The following GRID2 variants were observed in gnomAD, a reference collection of about 807,000 sequenced individuals.
GRID2 encodes glutamate ionotropic receptor delta type subunit 2.
A neutral mutation model predicts 114.8 loss-of-function variants in GRID2; 33 were observed. The ratio of observed to expected loss-of-function variants is 0.29; its 90% CI spans 0.22 to 0.38. The LOEUF (loss-of-function observed/expected upper bound fraction) is 0.38, where lower values mean the gene tolerates loss of function less well. Ranked by LOEUF, GRID2 falls within the 10% of genes least tolerant of loss-of-function variation. The pLI is 1.00. For synonymous variants in GRID2, 505 were observed against 449.9 expected, an observed-to-expected ratio of 1.12 and a Z score of -1.55; for missense variants, 1,184 against 1,257.7, an observed-to-expected ratio of 0.94 and a Z score of 0.89.
chr4:93,171,615 T>G (rs747637194), intron 4 of GRID2, among the ~76,000 whole-genome samples: 5 of 152,222 alleles, frequency 3.3e-5, no homozygotes, highest in Non-Finnish European at 7.3e-5. Context: ...TTAAATAACT[T>G]GTCCACGTAG....
At chr4:92,371,096 G>A (rs1729095801) in intron 1 of GRID2, among the ~76,000 whole-genome samples, 1 of 152,128 alleles carries the variant, frequency 6.6e-6, no homozygotes, top group Non-Finnish European at 1.5e-5. Context: ...GTCTGAGAGA[G>A]ATAAGGAAGC....
intron 13 of GRID2, among the ~76,000 whole-genome samples, chr4:93,572,869 C>T (rs1318190380): frequency 6.6e-6 from 1 of 152,090 alleles, no homozygotes; most frequent in East Asian, 1.9e-4. Flanking sequence ...TACTAAATTG[C>T]AGCCTCTCAC....
At chr4:92,485,439 C>T (rs1238416876) in intron 1 of GRID2, among the ~76,000 whole-genome samples, 1 of 149,388 alleles carries the variant, frequency 6.7e-6, no homozygotes, top group Non-Finnish European at 1.5e-5. Flanking sequence ...GTGACTCACA[C>T]CTGTAATCCC....
chr4:92,991,326 A>C (rs1417028908), intron 2 of GRID2, among the ~76,000 whole-genome samples: 1 of 152,174 alleles, frequency 6.6e-6, no homozygotes, highest in Non-Finnish European at 1.5e-5. Context: ...AAAGTAGGCC[A>C]AAAAAATTAC....
chr4:93,146,785 T>TG (rs1736306312), intron 4 of GRID2, among the ~76,000 whole-genome samples: 1 of 152,220 alleles, frequency 6.6e-6, no homozygotes, highest in African/African-American at 2.4e-5. Flanking sequence ...TCAGCTACTA[T>TG]GCTTTTCATT....
Position 93,455,764 on chromosome 4 carries a change from C to G in GRID2, c.1648C>G (p.Arg550Gly). Reference sequence around the variant, plus strand: ...GGACTACTCAGTGGGGGTACTACTTCGAAGGGCTGAAAAGACAGTGGATAT... The same window carrying G: ...GGACTACTCAGTGGGGGTACTACTTGGAAGGGCTGAAAAGACAGTGGATAT... ...YMDYSVGVLL[R>G]RAEKTVDMFA... The change falls in exon 11 of 16, where the codon CGA becomes GGA. Residue 550 changes from arginine to glycine, a missense_variant. Around this residue, in one of 3 missense-constraint regions of GRID2, gnomAD observed 717 missense variants for 796.9 expected, o/e 0.90. Coordinates refer to ENST00000282020, the MANE Select transcript of GRID2 (RefSeq NM_001510.4). 1 of 1,612,424 alleles carries G rather than the reference C, an allele frequency of 6.2e-7. No homozygotes were observed. Among genetic ancestry groups the G allele is most frequent in the Non-Finnish European group, 8.5e-7 (1 of 1,178,562 alleles).
At chr4:92,474,088 A>C (rs142914660) in intron 1 of GRID2, among the ~76,000 whole-genome samples, 2 of 151,832 alleles carry the variant, frequency 1.3e-5, no homozygotes, top group Non-Finnish European at 2.9e-5. Flanking sequence ...AATTAACTGT[A>C]GTCAACATGT....
intron 4 of GRID2, among the ~76,000 whole-genome samples, chr4:93,113,566 GC>G (rs1366851772): frequency 6.6e-6 from 1 of 152,146 alleles, no homozygotes; most frequent in African/African-American, 2.4e-5. Flanking sequence ...ACTATGCTAG[GC>G]ACTAGCGATA....
At chr4:93,107,951 C>T (rs1469143189) in intron 3 of GRID2, among the ~76,000 whole-genome samples, 1 of 150,778 alleles carries the variant, frequency 6.6e-6, no homozygotes, top group Admixed American at 6.6e-5. Context: ...CTTCCTGTGT[C>T]TCACAGAGAT....
chr4:93,675,989 A>G (rs539507537), intron 14 of GRID2, among the ~76,000 whole-genome samples: 12 of 152,340 alleles, frequency 7.9e-5, no homozygotes, highest in Non-Finnish European at 1.5e-5. Flanking sequence ...AGCCTTAGAC[A>G]GGACAGTATT....
intron 13 of GRID2, among the ~76,000 whole-genome samples, chr4:93,614,546 T>G (rs1041349355): frequency 6.6e-6 from 1 of 152,078 alleles, no homozygotes; most frequent in Admixed American, 6.5e-5. Flanking sequence ...TAGTCATTTA[T>G]TTAAAATTAT....
chr4:92,889,093 C>T (rs1054762854), intron 2 of GRID2, among the ~76,000 whole-genome samples: 2 of 152,058 alleles, frequency 1.3e-5, no homozygotes, highest in African/African-American at 4.8e-5. Context: ...GATTCTTTGT[C>T]ACTCCCTTAG....
At chr4:92,458,607 A>C (rs925454623) in intron 1 of GRID2, among the ~76,000 whole-genome samples, 5 of 152,178 alleles carry the variant, frequency 3.3e-5, no homozygotes, top group African/African-American at 4.8e-5. Context: ...CAAACAACAA[A>C]TTTAAAATTC....
chr4:92,822,261 T>C, intron 2 of GRID2: 1 of 571,606 alleles, frequency 1.7e-6, no homozygotes. Flanking sequence ...CTTGCCTTTG[T>C]TGAGATCGCA....
At chr4:92,642,296 C>T (rs1025488001) in intron 2 of GRID2, among the ~76,000 whole-genome samples, 5 of 151,710 alleles carry the variant, frequency 3.3e-5, no homozygotes, top group Admixed American at 6.6e-5. Context: ...TCCACACCCT[C>T]ATCAACATCT....
intron 14 of GRID2, among the ~76,000 whole-genome samples, chr4:93,735,249 C>T (rs1023755191): frequency 5.3e-5 from 8 of 151,996 alleles, no homozygotes; most frequent in Non-Finnish European, 1.2e-4. Context: ...ACACATTTGA[C>T]TACACAAAGG....
chr4:93,463,949 A>G (rs892765135), intron 11 of GRID2, among the ~76,000 whole-genome samples: 70 of 152,300 alleles, frequency 4.6e-4, no homozygotes, highest in African/African-American at 1.5e-3. Flanking sequence ...AGATTGTGCC[A>G]CTGCACTCCA....
intron 2 of GRID2, among the ~76,000 whole-genome samples, chr4:93,016,168 A>C (rs980432756): frequency 6.6e-6 from 1 of 151,986 alleles, no homozygotes; most frequent in African/African-American, 2.4e-5. Context: ...ATTGAAAAGA[A>C]AAAAGGTAAT....
At chr4:93,142,613 T>A (rs971315269) in intron 4 of GRID2, among the ~76,000 whole-genome samples, 3 of 152,198 alleles carry the variant, frequency 2.0e-5, no homozygotes, top group Admixed American at 2.0e-4. Context: ...AACCCTCAGA[T>A]CATAGAAAGT....
Sources: allele counts gnomAD v4.1 joint callset (sites outside exome capture counted in the v4.1 genomes callset), GRCh38; gene constraint gnomAD v4.1.1; regional missense constraint gnomAD v4.1.1; transcripts MANE v1.5; gene names NCBI Gene and HGNC (gene_info 2026-07-23, HGNC 2026-07-21).